Variants in KALRN observed in about 807,000 individuals in gnomAD.
KALRN encodes kalirin.
A neutral mutation model predicts 353.7 loss-of-function variants in KALRN; 70 were observed. The ratio of observed to expected loss-of-function variants is 0.20; its 90% CI spans 0.16 to 0.24. The LOEUF (loss-of-function observed/expected upper bound fraction) is 0.24, where lower values mean the gene tolerates loss of function less well. KALRN is among the 10% of genes least tolerant of loss of function. The pLI, the probability that KALRN is intolerant of heterozygous loss-of-function variation, is 1.00. For missense variants in KALRN, 2,791 were observed against 3,756.7 expected (o/e 0.74, Z 6.72); for synonymous variants, 1,391 against 1,434.8 (o/e 0.97, Z 0.69).
intron 37 of KALRN, among the ~76,000 whole-genome samples, chr3:124,642,806 G>GTTGTTTTTTTGTTGTTGTTTTTTTTTTT (rs796628603): frequency 1.0e-5 from 1 of 96,840 alleles, no homozygotes; most frequent in African/African-American, 4.5e-5. Flanking sequence ...CCCAAGCCTC[G>GTTGTTTTTTTGTTGTTGTTTTTTTTTTT]TTTTTTTTTT....
chr3:124,146,088 T>G (rs1041079542), intron 1 of KALRN, among the ~76,000 whole-genome samples: 30 of 152,188 alleles, frequency 2.0e-4, no homozygotes, highest in African/African-American at 7.2e-4. Flanking sequence ...TCAGAGAGCA[T>G]ACAATCCTCC....
rs780489184 is a variant in KALRN, at chr3:124,650,812, T to C, written c.5669T>C (p.Leu1890Pro). 2 of 1,613,504 alleles carry C rather than the reference T, an allele frequency of 1.2e-6. No homozygotes were observed. The highest frequency in any genetic ancestry group is 1.7e-6 in the Non-Finnish European group (2 of 1,179,456). The change falls in exon 38 of 60, where the codon CTA becomes CCA. Residue 1890 changes from leucine (L) to proline (P), a missense_variant. Coordinates refer to ENST00000682506, the MANE Select transcript of KALRN (RefSeq NM_001388419.1). ...IEKLVKNKLS[L>P]EGSSYRGSLK... ...CCTGTTTTTCTCTCTTTTCAGAGTC[T>C]AGAAGGAAGCTCATACCGGGGGAGC...
At chr3:124,590,261 G>T (rs2075642709) in intron 34 of KALRN, among the ~76,000 whole-genome samples, 1 of 152,164 alleles carries the variant, frequency 6.6e-6, no homozygotes, top group Non-Finnish European at 1.5e-5. Context: ...AGAAATGGGG[G>T]TGTATGAAGG....
In KALRN at chr3:124,282,610, C is replaced by T. The variant is rs535289468; in HGVS notation, c.969+13355C>T. 2.0e-4 allele frequency among the ~76,000 whole-genome samples: 31 copies of T among 152,308 alleles called. 1 individual carries two copies. The South Asian group carries it at 6.2e-3, about 31-fold the overall frequency. ...CAGGCTGGTCTTGAACTACCAACCT[C>T]AGGTGATCCACCCACCTTGGCCTCC... On this transcript the variant is annotated intron_variant, in intron 5 of 59. Coordinates refer to ENST00000682506, the MANE Select transcript of KALRN (RefSeq NM_001388419.1).
In KALRN at chr3:124,204,790, CTCTAAGGTCTT is replaced by C. The variant is rs1426248325; in HGVS notation, c.74-23196_74-23186del. 3.1e-4 allele frequency among the ~76,000 whole-genome samples: 47 copies of C among 152,312 alleles called. 1 individual carries two copies. The highest frequency in any genetic ancestry group is 3.1e-3 in the Admixed American group (47 of 15,304). On this transcript the variant is annotated intron_variant, in intron 1 of 59. Coordinates refer to ENST00000682506, the MANE Select transcript of KALRN (RefSeq NM_001388419.1). Reference sequence around the variant, plus strand: ...CCATCTCTTAGTTTAAAAACTAAATCTCTAAGGTCTTTCTTTCCAAAGCTGTCCTCCGCACT... The same window carrying C: ...CCATCTCTTAGTTTAAAAACTAAATCTCTTTCCAAAGCTGTCCTCCGCACT...
At chr3:124,112,037 C>T (rs750566461) in intron 1 of KALRN, among the ~76,000 whole-genome samples, 3 of 152,056 alleles carry the variant, frequency 2.0e-5, no homozygotes, top group Non-Finnish European at 4.4e-5. Context: ...GGCACGGTGG[C>T]ACATGCCTGT....
At chr3:124,086,349 GTGTGTT>G (rs2060820610) in intron 1 of KALRN, among the ~76,000 whole-genome samples, 2 of 150,268 alleles carry the variant, frequency 1.3e-5, no homozygotes, top group African/African-American at 5.0e-5. Context: ...GTGTGTGTGT[GTGTGTT>G]TTTGCTGGGG....
At chr3:124,716,187 G>T (rs897715895) in intron 58 of KALRN, among the ~76,000 whole-genome samples, 1 of 152,136 alleles carries the variant, frequency 6.6e-6, no homozygotes, top group Non-Finnish European at 1.5e-5. Context: ...CTCAATCACA[G>T]TTCTCAAGGT....
chr3:124,642,498 ATG>A (rs913045879), intron 37 of KALRN, among the ~76,000 whole-genome samples: 2 of 152,002 alleles, frequency 1.3e-5, no homozygotes, highest in African/African-American at 4.8e-5. Flanking sequence ...CACCCTGAGA[ATG>A]TGCCCTACCT....
chr3:124,270,617 T>C (rs1459884280), intron 5 of KALRN, among the ~76,000 whole-genome samples: 3 of 152,148 alleles, frequency 2.0e-5, no homozygotes, highest in Admixed American at 6.5e-5. Context: ...CTTCTGACCT[T>C]TCTTGGGGCT....
chr3:124,666,709 C>A (rs73193781), intron 46 of KALRN, 75 bp downstream of exon 46: 33,551 of 1,260,096 alleles, frequency 0.027, 674 homozygotes, highest in East Asian at 0.094. Context: ...AAGACGAGGC[C>A]CTGGAGTTGT....
At position 124,234,923 on chromosome 3, in the gene KALRN, G is replaced by T; in HGVS notation, c.243G>T (p.Thr81=). The change falls in exon 3 of 60, where the codon ACG becomes ACT. Residue 81 remains threonine, a synonymous_variant. Coordinates refer to ENST00000682506, the MANE Select transcript of KALRN (RefSeq NM_001388419.1). ...IRQEDLRKLV[T]YLASVPSEDV... ...AGGAAGACCTGCGGAAACTCGTGAC[G>T]TATTTGGCCAGCGTGCCAAGGTAAG... is the stretch of plus-strand genomic sequence containing the variant. The T allele has an allele frequency of 6.2e-7, 1 of 1,604,370 alleles. No individual in the cohort carries two copies. Among genetic ancestry groups the T allele is most frequent in the African/African-American group, 1.3e-5 (1 of 74,850 alleles).
chr3:124,707,419 TTCCTTCCTTCCTTCCTTCCTTCCTTCCC>T (rs2062680700), intron 57 of KALRN, among the ~76,000 whole-genome samples: 1 of 150,454 alleles, frequency 6.6e-6, no homozygotes, highest in South Asian at 2.2e-4. Flanking sequence ...CCTTCCTTCC[TTCCTTCCTTCCTTCCTTCCTTCCTTCCC>T]TCCTTCCTTC....
At chr3:124,165,264 A>G (rs576057205) in intron 1 of KALRN, among the ~76,000 whole-genome samples, 1 of 152,320 alleles carries the variant, frequency 6.6e-6, no homozygotes, top group East Asian at 1.9e-4. Flanking sequence ...AAAATTTTTT[A>G]GGGCCCTTCA....
intron 1 of KALRN, among the ~76,000 whole-genome samples, chr3:124,040,465 G>C (rs992933334): frequency 2.0e-4 from 30 of 152,056 alleles, no homozygotes; most frequent in African/African-American, 6.8e-4. Flanking sequence ...CTTAGGGAGG[G>C]TTTGCTACTG....
intron 5 of KALRN, among the ~76,000 whole-genome samples, chr3:124,271,657 C>A (rs896811843): frequency 6.6e-6 from 1 of 152,204 alleles, no homozygotes; most frequent in Non-Finnish European, 1.5e-5. Flanking sequence ...TATCCAATAA[C>A]CCTGCTGTCC....
intron 1 of KALRN, among the ~76,000 whole-genome samples, chr3:124,130,750 A>G (rs1453037977): frequency 6.6e-6 from 1 of 152,242 alleles, no homozygotes; most frequent in Non-Finnish European, 1.5e-5. Context: ...CAACAACAGT[A>G]GAATGGATAA....
chr3:124,197,468 G>T (rs180885703), intron 1 of KALRN, among the ~76,000 whole-genome samples: 166 of 152,148 alleles, frequency 1.1e-3, no homozygotes, highest in Non-Finnish European at 1.9e-3. Context: ...ATCTTGTCTC[G>T]TAGATCCCAG....
At chr3:124,396,554 G>T (rs1485489730) in intron 12 of KALRN, among the ~76,000 whole-genome samples, 1 of 152,242 alleles carries the variant, frequency 6.6e-6, no homozygotes, top group Non-Finnish European at 1.5e-5. Flanking sequence ...CTGGGCCTCA[G>T]CTGCTTCGTC....
Sources: allele counts gnomAD v4.1 joint callset (sites outside exome capture counted in the v4.1 genomes callset), GRCh38; gene constraint gnomAD v4.1.1; transcripts MANE v1.5; gene names NCBI Gene and HGNC (gene_info 2026-07-23, HGNC 2026-07-21).